Variants in NREP observed in about 807,000 individuals in gnomAD.
NREP encodes the protein neuronal regeneration-related protein.
NREP carries 5 observed loss-of-function variants against 8.6 expected under a neutral mutation model. The ratio of observed to expected loss-of-function variants is 0.58; its 90% confidence interval spans 0.30 to 1.22. The LOEUF is 1.22. Among genes scored for constraint, NREP ranks in the 50% most tolerant of loss-of-function variants. The probability of loss-of-function intolerance (pLI) is 0.07; values close to 1 mark genes in which losing one functional copy is unlikely to be tolerated. For synonymous variants in NREP, 27 were observed against 28.0 expected (o/e 0.96, Z 0.11); for missense variants, 86 against 82.5 (o/e 1.04, Z -0.17).
At chr5:111,751,473 A>C (rs1049262319) in intron 2 of NREP, among the ~76,000 whole-genome samples, 2 of 152,200 alleles carry the variant, frequency 1.3e-5, no homozygotes, top group Admixed American at 6.5e-5. Context: ...ATTTCAAATA[A>C]ATTTACACCC....
intron 2 of NREP, among the ~76,000 whole-genome samples, chr5:111,875,441 T>A (rs776162004): frequency 6.6e-6 from 1 of 152,142 alleles, no homozygotes; most frequent in Non-Finnish European, 1.5e-5. Flanking sequence ...AAATAAAATT[T>A]GGATAACATA....
rs149785896 is a variant in NREP at position 111,867,399 on chromosome 5, A to C, written c.135+107875T>G. Among the ~76,000 whole-genome samples, 1,082 of 152,150 alleles carry C rather than the reference A, an allele frequency of 7.1e-3. 23 individuals are homozygous for C. Among genetic ancestry groups the C allele is most frequent in the African/African-American group, 0.025 (1,042 of 41,494 alleles). On this transcript the variant is annotated intron_variant, in intron 2 of 3. Coordinates refer to the NREP transcript ENST00000395634. ...CTTCATGCATGCATGGGGAGGACGC[A>C]CTTCCTTGCACGTGCTCACTTGCTC...
rs542975361 is a variant in NREP, at chr5:111,798,241, G to T, written c.136-62734C>A. On this transcript the variant is annotated intron_variant, in intron 2 of 3. Transcript: ENST00000395634. ...ATTTCCATTCATATAAGATCATAGA[G>T]AAATGAAAAATAAAATCATTTAAGT... is the stretch of plus-strand genomic sequence containing the variant. Among the ~76,000 whole-genome samples, 3 of 152,172 alleles carry T rather than the reference G, an allele frequency of 2.0e-5. No homozygotes were observed. The South Asian group carries it at 6.2e-4, about 32-fold the overall frequency.
intron 2 of NREP, among the ~76,000 whole-genome samples, chr5:111,803,096 G>T (rs1260222028): frequency 6.6e-6 from 1 of 152,176 alleles, no homozygotes; most frequent in East Asian, 1.9e-4. Flanking sequence ...TTAATATAAT[G>T]TTGGAGCAGG....
At chr5:111,905,463 C>T (rs376371240) in intron 2 of NREP, among the ~76,000 whole-genome samples, 2 of 151,928 alleles carry the variant, frequency 1.3e-5, no homozygotes, top group African/African-American at 2.4e-5. Flanking sequence ...ACAGTTAAAC[C>T]AATAACATAA....
intron 2 of NREP, among the ~76,000 whole-genome samples, chr5:111,919,415 C>T (rs917906971): frequency 6.6e-6 from 1 of 152,048 alleles, no homozygotes; most frequent in African/African-American, 2.4e-5. Context: ...TATAAAAATA[C>T]CTGCACATGT....
chr5:111,864,049 TGAAGGAGAACTGTCAA>T (rs890930598), intron 2 of NREP, among the ~76,000 whole-genome samples: 9 of 152,246 alleles, frequency 5.9e-5, no homozygotes, highest in East Asian at 1.9e-4. Flanking sequence ...CCACACTTCT[TGAAGGAGAACTGTCAA>T]GAAGGAGAAC....
chr5:111,941,514 G>A (rs1218510633), intron 2 of NREP, among the ~76,000 whole-genome samples: 3 of 151,932 alleles, frequency 2.0e-5, no homozygotes, highest in African/African-American at 2.4e-5. Flanking sequence ...CCTCCTCTGC[G>A]CACTGTAAAC....
At chr5:111,887,752 T>G (rs763313005) in intron 2 of NREP, among the ~76,000 whole-genome samples, 14 of 152,206 alleles carry the variant, frequency 9.2e-5, no homozygotes, top group Non-Finnish European at 1.6e-4. Flanking sequence ...TGCTGACGTG[T>G]CCATGGGCAT....
intron 2 of NREP, among the ~76,000 whole-genome samples, chr5:111,951,673 CTAAAG>C (rs993136944): frequency 2.0e-5 from 3 of 152,052 alleles, no homozygotes; most frequent in East Asian, 1.9e-4. Context: ...TAAATATTCT[CTAAAG>C]TAATGTACCA....
intron 2 of NREP, among the ~76,000 whole-genome samples, chr5:111,836,546 T>G (rs897522867): frequency 6.6e-6 from 1 of 152,072 alleles, no homozygotes; most frequent in African/African-American, 2.4e-5. Flanking sequence ...TAGTGGTATT[T>G]ATTGCTTTGG....
intron 2 of NREP, among the ~76,000 whole-genome samples, chr5:111,746,404 C>A (rs1750008154): frequency 6.6e-6 from 1 of 151,820 alleles, no homozygotes; most frequent in Non-Finnish European, 1.5e-5. Context: ...ATATTTAGAC[C>A]CAAGACTCCA....
At chr5:111,963,701 T>A (rs757528693) in intron 2 of NREP, among the ~76,000 whole-genome samples, 6 of 152,198 alleles carry the variant, frequency 3.9e-5, no homozygotes, top group African/African-American at 1.4e-4. Flanking sequence ...ACAGAATGAA[T>A]TGATAACTGA....
chr5:111,852,781 A>T (rs1424945192), intron 2 of NREP, among the ~76,000 whole-genome samples: 1 of 152,138 alleles, frequency 6.6e-6, no homozygotes, highest in African/African-American at 2.4e-5. Flanking sequence ...AGGACATTAA[A>T]CCATTACAAG....
chr5:111,952,555 C>T (rs529600754), intron 2 of NREP, among the ~76,000 whole-genome samples: 2 of 152,194 alleles, frequency 1.3e-5, no homozygotes, highest in East Asian at 3.9e-4. Context: ...GTAAATGAGG[C>T]AAGGACGTAG....
chr5:111,799,733 C>T (rs1581126852), intron 2 of NREP, among the ~76,000 whole-genome samples: 2 of 152,116 alleles, frequency 1.3e-5, no homozygotes, highest in South Asian at 2.1e-4. Flanking sequence ...CTTACTTATG[C>T]GTACATAATT....
At chr5:111,780,471 T>C (rs954391570) in intron 2 of NREP, among the ~76,000 whole-genome samples, 2 of 152,130 alleles carry the variant, frequency 1.3e-5, no homozygotes, top group African/African-American at 4.8e-5. Context: ...GGGTTTTCAA[T>C]ATTCTAAGTT....
At chr5:111,759,835 G>A (rs1750919330), upstream of NREP, among the ~76,000 whole-genome samples, 1 of 152,102 alleles carries the variant, frequency 6.6e-6, no homozygotes, top group African/African-American at 2.4e-5. Context: ...CTATCCTGTA[G>A]GTGTTACAGT....
At chr5:111,843,537 G>A (rs1305589363) in intron 2 of NREP, among the ~76,000 whole-genome samples, 1 of 151,988 alleles carries the variant, frequency 6.6e-6, no homozygotes, top group Non-Finnish European at 1.5e-5. Context: ...CAGGCAGTTT[G>A]TAGATCTCTG....
Sources: gnomAD v4.1 joint callset for allele counts (sites outside exome capture counted in the v4.1 genomes callset) on GRCh38, gnomAD v4.1.1 for gene constraint, MANE v1.5 for transcripts, NCBI Gene and HGNC (gene_info 2026-07-23, HGNC 2026-07-21) for gene names.